TAOK1: variants seen among roughly 807,000 people sequenced by gnomAD.
TAOK1 encodes the protein serine/threonine-protein kinase TAO1.
Under a neutral mutation model 138.3 loss-of-function variants are expected in TAOK1, and 21 were observed. That is an observed-to-expected ratio of 0.15 (90% CI 0.11 to 0.22). The LOEUF (loss-of-function observed/expected upper bound fraction) is 0.22. Ranked by LOEUF, TAOK1 falls within the 10% of genes least tolerant of loss-of-function variation. The pLI, the probability that TAOK1 is intolerant of heterozygous loss-of-function variation, is 1.00. For missense variants in TAOK1, 651 were observed against 1,227.7 expected (o/e 0.53, Z 7.02); for synonymous variants, 361 against 398.4 (o/e 0.91, Z 1.12).
At chr17:29,433,187 C>T (rs1458032761) in intron 1 of TAOK1, among the ~76,000 whole-genome samples, 1 of 152,028 alleles carries the variant, frequency 6.6e-6, no homozygotes, top group Non-Finnish European at 1.5e-5. Flanking sequence ...TGAGCCAGCA[C>T]TTTGGGAGGC....
chr17:29,475,308 G>C (rs773092383), intron 3 of TAOK1, among the ~76,000 whole-genome samples: 1 of 152,154 alleles, frequency 6.6e-6, no homozygotes, highest in Non-Finnish European at 1.5e-5. Flanking sequence ...GGGAGGCCAA[G>C]ACAAGTGAAT....
intron 1 of TAOK1, among the ~76,000 whole-genome samples, chr17:29,421,086 C>T (rs1436754179): frequency 6.6e-5 from 10 of 152,056 alleles, no homozygotes; most frequent in African/African-American, 9.7e-5. Flanking sequence ...CCCATCACCA[C>T]GCCCAGCTAA....
chr17:29,402,800 G>C (rs1904886028), intron 1 of TAOK1, among the ~76,000 whole-genome samples: 1 of 151,930 alleles, frequency 6.6e-6, no homozygotes, highest in Non-Finnish European at 1.5e-5. Context: ...ACTTTGGGAG[G>C]CCGAGGTGGG....
In TAOK1 at chr17:29,546,933, A is replaced by G. The variant is rs2032411960; in HGVS notation, c.*3911A>G. 1 of 152,058 alleles carries G rather than the reference A, an allele frequency of 6.6e-6. No individual in the cohort carries two copies. Among genetic ancestry groups the G allele is most frequent in the Non-Finnish European group, 1.5e-5 (1 of 67,968 alleles). 9.4% of individuals were successfully genotyped at this position (152,058 alleles called of 1,614,324 possible). On this transcript the variant is annotated 3_prime_UTR_variant, in exon 20 of 20. Transcript: ENST00000261716. ...GTCTTTTCCTTTTTAATCCCCTCTT[A>G]GCACTTCTGTGAGTGGAGAGGACAT... is the stretch of plus-strand genomic sequence containing the variant.
chr17:29,534,641 A>T (rs893736688), intron 19 of TAOK1, among the ~76,000 whole-genome samples: 1 of 152,148 alleles, frequency 6.6e-6, no homozygotes, highest in African/African-American at 2.4e-5. Flanking sequence ...AGGAGGTTGG[A>T]GAAGGACTTA....
At chr17:29,434,645 A>G (rs1328004107) in intron 1 of TAOK1, among the ~76,000 whole-genome samples, 2 of 152,124 alleles carry the variant, frequency 1.3e-5, no homozygotes, top group African/African-American at 4.8e-5. Context: ...TTTCCCACCT[A>G]CAGTCAGTAG....
At chr17:29,506,690 TATATC>T in intron 13 of TAOK1, among the ~76,000 whole-genome samples, 1 of 152,340 alleles carries the variant, frequency 6.6e-6, no homozygotes, top group African/African-American at 2.4e-5. Context: ...GTTGAATACA[TATATC>T]AGTATATCAC....
At chr17:29,489,080 A>AT (rs1358464550) in intron 8 of TAOK1, among the ~76,000 whole-genome samples, 1 of 152,222 alleles carries the variant, frequency 6.6e-6, no homozygotes, top group African/African-American at 2.4e-5. Context: ...AAATGACCTG[A>AT]TTTAATGGAT....
intron 2 of TAOK1, among the ~76,000 whole-genome samples, chr17:29,453,076 G>T (rs2030282550): frequency 6.6e-6 from 1 of 151,016 alleles, no homozygotes; most frequent in African/African-American, 2.4e-5. Flanking sequence ...ACCAGTCTTT[G>T]TTCTATGTCT....
chr17:29,426,591 C>T (rs1432508358), intron 1 of TAOK1, among the ~76,000 whole-genome samples: 1 of 152,162 alleles, frequency 6.6e-6, no homozygotes, highest in African/African-American at 2.4e-5. Flanking sequence ...CGAGTGAGGA[C>T]TGAAATTCGG....
chr17:29,442,714 A>G (rs1219144785), intron 1 of TAOK1, among the ~76,000 whole-genome samples: 1 of 152,216 alleles, frequency 6.6e-6, no homozygotes, highest in Non-Finnish European at 1.5e-5. Context: ...AGTTTCCTAC[A>G]AAAATCTAGT....
At chr17:29,396,261 G>T (rs543822898) in intron 1 of TAOK1, among the ~76,000 whole-genome samples, 1 of 152,126 alleles carries the variant, frequency 6.6e-6, no homozygotes, top group Non-Finnish European at 1.5e-5. Context: ...GCCAGAAGCA[G>T]ACTTTTTGTT....
At chr17:29,465,864 T>TTTC (rs397828344) in intron 2 of TAOK1, among the ~76,000 whole-genome samples, 2 of 131,902 alleles carry the variant, frequency 1.5e-5, no homozygotes, top group East Asian at 4.4e-4. Flanking sequence ...TTTTTTTTTT[T>TTTC]CAGATTTTCC....
chr17:29,518,613 A>G (rs2031860525), intron 16 of TAOK1, among the ~76,000 whole-genome samples: 1 of 152,226 alleles, frequency 6.6e-6, no homozygotes, highest in East Asian at 1.9e-4. Flanking sequence ...CCCTCACTAC[A>G]ATGGAAGTTT....
At chr17:29,410,968 A>G (rs1209287326) in intron 1 of TAOK1, among the ~76,000 whole-genome samples, 4 of 151,912 alleles carry the variant, frequency 2.6e-5, no homozygotes, top group African/African-American at 9.7e-5. Context: ...TACTTTACTT[A>G]AAAGGCTGTC....
chr17:29,451,837 AGTGTGTGTGTCT>A, intron 2 of TAOK1, 157 bp downstream of exon 2: 1 of 675,624 alleles, frequency 1.5e-6, no homozygotes, highest in Admixed American at 3.0e-5. Flanking sequence ...AGCGTGGGTG[AGTGTGTGTGTCT>A]GTGTGTAAAA....
intron 1 of TAOK1, among the ~76,000 whole-genome samples, chr17:29,408,165 C>A (rs1005742815): frequency 1.3e-5 from 2 of 151,992 alleles, no homozygotes; most frequent in African/African-American, 4.8e-5. Context: ...GATACTCCTG[C>A]CTCAGCCTCC....
chr17:29,529,009 T>C lies in TAOK1; in HGVS notation c.2149-1398T>C, dbSNP rs143055962. Among the ~76,000 whole-genome samples the C allele has an allele frequency of 2.2e-3, 333 of 150,604 alleles. 3 individuals carry two copies. The highest frequency in any genetic ancestry group is 7.5e-3 in the African/African-American group (305 of 40,896). ...TTTAAGAGACCAGTGTCTCACTCTATTGTTCAGCCTAGAGTCCAATGATGC... is the reference window on the plus strand; with the variant it reads ...TTTAAGAGACCAGTGTCTCACTCTACTGTTCAGCCTAGAGTCCAATGATGC... On this transcript the variant is annotated intron_variant, in intron 17 of 19. Transcript: ENST00000261716.
chr17:29,498,580 G>A (rs1567735728), intron 12 of TAOK1, 59 bp downstream of exon 12: 1 of 1,573,584 alleles, frequency 6.4e-7, no homozygotes, highest in Non-Finnish European at 8.7e-7. Context: ...TTCTTCATCT[G>A]TTAGTTTAAG....
Sources: gnomAD v4.1 joint callset for allele counts (sites outside exome capture counted in the v4.1 genomes callset) on GRCh38, gnomAD v4.1.1 for gene constraint, MANE v1.5 for transcripts, NCBI Gene and HGNC (gene_info 2026-07-23, HGNC 2026-07-21) for gene names.